The following ZNF131 variants were observed in gnomAD, a reference collection of about 807,000 sequenced individuals.
ZNF131 encodes the protein zinc finger and BTB domain containing 35.
In ZNF131, 7 loss-of-function variants were observed where a neutral mutation model predicts 60.0. The ratio of observed to expected loss-of-function variants is 0.12; its 90% CI spans 0.07 to 0.22. The LOEUF (loss-of-function observed/expected upper bound fraction) is 0.22. Among genes scored for constraint, ZNF131 ranks in the 10% least tolerant of loss-of-function variants. The pLI is 1.00. For synonymous variants in ZNF131, 257 were observed against 253.2 expected, an observed-to-expected ratio of 1.01 and a Z score of -0.14; for missense variants, 493 against 740.9, an observed-to-expected ratio of 0.67 and a Z score of 3.88.
At chr5:43,140,860 G>T (rs1746730760) in intron 4 of ZNF131, among the ~76,000 whole-genome samples, 1 of 152,086 alleles carries the variant, frequency 6.6e-6, no homozygotes, top group African/African-American at 2.4e-5. Flanking sequence ...TGGGATTACA[G>T]GTGCCTGCCA....
rs916917998 is a variant in ZNF131, at chr5:43,173,221, T to G, written c.1055-97T>G. The G allele has an allele frequency of 5.8e-6, 7 of 1,211,128 alleles. No individual in the cohort carries two copies. In the African/African-American group the frequency reaches 9.1e-5, roughly 16 times the overall value. The allele number at this position is 1,211,128 out of a possible 1,614,324, so 75.0% of individuals were successfully genotyped here. Reference sequence around the variant, plus strand: ...GTGATTTCTCCTTTTAGGAATTTAGTATTAAAATTACCCAAAAAGAAAAAG... The same window carrying G: ...GTGATTTCTCCTTTTAGGAATTTAGGATTAAAATTACCCAAAAAGAAAAAG... On this transcript the variant is annotated intron_variant, in intron 5 of 6. Coordinates refer to ENST00000682664, the MANE Select transcript of ZNF131 (RefSeq NM_001330707.2).
intron 4 of ZNF131, among the ~76,000 whole-genome samples, chr5:43,148,763 A>G (rs1410142455): frequency 1.3e-5 from 2 of 152,226 alleles, no homozygotes; most frequent in African/African-American, 4.8e-5. Context: ...AAGGTATAAT[A>G]TAAGCTGCAC....
rs528200185 is a variant in ZNF131 at position 43,151,395 on chromosome 5, T to C, written c.372-9854T>C. Among the ~76,000 whole-genome samples, 4 of 152,300 alleles carry C rather than the reference T, an allele frequency of 2.6e-5. No homozygotes were observed. In the East Asian group the frequency reaches 7.7e-4, roughly 29 times the overall value. On this transcript the variant is annotated intron_variant, in intron 4 of 6. Transcript: ENST00000682664. ...GATCTTCCTTAAACACTTGATGGTC[T>C]CTTATAACCACCTCTTAGGTGTAAG...
At chr5:43,122,516 T>G (rs1480913894) in intron 2 of ZNF131, among the ~76,000 whole-genome samples, 1 of 152,146 alleles carries the variant, frequency 6.6e-6, no homozygotes, top group Non-Finnish European at 1.5e-5. Context: ...CTTTGAGAAG[T>G]CCCTTACAGG....
At position 43,152,070 on chromosome 5, in the gene ZNF131, A is replaced by G. The variant is rs374869874; in HGVS notation, c.372-9179A>G. On this transcript the variant is annotated intron_variant, in intron 4 of 6. Coordinates refer to ENST00000682664, the MANE Select transcript of ZNF131 (RefSeq NM_001330707.2). The stretch of plus-strand genomic sequence containing the variant: ...GCCCAGGCTGGAGTGCAGTGACATG[A>G]TCTTGGCTCACTGCCTCTACCTCCC... 2.4e-4 allele frequency among the ~76,000 whole-genome samples: 37 copies of G among 151,996 alleles called. 1 individual carries two copies. In the South Asian group the frequency reaches 6.4e-3, roughly 26 times the overall value.
intron 3 of ZNF131, among the ~76,000 whole-genome samples, chr5:43,126,023 A>T (rs747775402): frequency 2.6e-5 from 4 of 152,228 alleles, no homozygotes; most frequent in Non-Finnish European, 5.9e-5. Flanking sequence ...AATTTGGTTC[A>T]GTATCTTAAG....
chr5:43,147,433 T>A (rs1322835840), intron 4 of ZNF131, among the ~76,000 whole-genome samples: 21 of 146,474 alleles, frequency 1.4e-4, no homozygotes, highest in African/African-American at 5.6e-4. Flanking sequence ...TTATTTATTT[T>A]TTGAGACGGA....
At chr5:43,143,848 A>G (rs535979683) in intron 4 of ZNF131, among the ~76,000 whole-genome samples, 1 of 139,590 alleles carries the variant, frequency 7.2e-6, no homozygotes, top group African/African-American at 2.7e-5. Flanking sequence ...ACATGTATAC[A>G]GCTCTGTGCA....
In ZNF131 at chr5:43,162,947, A is replaced by G. The variant is rs373095192; in HGVS notation, c.1054+1016A>G. Among the ~76,000 whole-genome samples, 716 of 71,672 alleles carry G rather than the reference A, an allele frequency of 1.0e-2. 7 individuals carry two copies. The highest frequency in any genetic ancestry group is 0.015 in the Non-Finnish European group (480 of 31,590). 47.0% of individuals were successfully genotyped at this position (71,672 alleles called of 152,430 possible). On this transcript the variant is annotated intron_variant, in intron 5 of 6. Coordinates refer to ENST00000682664, the MANE Select transcript of ZNF131 (RefSeq NM_001330707.2). ...AAAAAAAGCAATCCCTGACATGTTT[A>G]TACTTCTTTTCTTTTATTTGCCTTT...
intron 3 of ZNF131, among the ~76,000 whole-genome samples, chr5:43,138,108 C>T (rs1368306354): frequency 6.6e-6 from 1 of 152,290 alleles, no homozygotes; most frequent in East Asian, 1.9e-4. Context: ...TGGGCAGTTA[C>T]TAATCAGTGG....
At chr5:43,142,013 T>G (rs1746896248) in intron 4 of ZNF131, among the ~76,000 whole-genome samples, 1 of 152,042 alleles carries the variant, frequency 6.6e-6, no homozygotes. Context: ...ATTTTACTGT[T>G]TCTTTGTATG....
At chr5:43,169,518 A>G (rs754830870) in intron 5 of ZNF131, among the ~76,000 whole-genome samples, 3 of 152,248 alleles carry the variant, frequency 2.0e-5, no homozygotes, top group Non-Finnish European at 4.4e-5. Flanking sequence ...ACAAGCGAGC[A>G]TGCGGTAGTA....
chr5:43,125,596 C>A (rs577958081), intron 3 of ZNF131, among the ~76,000 whole-genome samples: 1 of 151,976 alleles, frequency 6.6e-6, no homozygotes, highest in African/African-American at 2.4e-5. Flanking sequence ...GCCTGACCAA[C>A]ATGGTGAAAC....
Position 43,161,290 on chromosome 5 carries a change from G to C in ZNF131, c.413G>C (p.Gly138Ala), listed in dbSNP as rs1448127978. 7.4e-6 allele frequency: 12 copies of C among 1,613,198 alleles called. No individual in the cohort carries two copies. Among genetic ancestry groups the C allele is most frequent in the Non-Finnish European group, 1.0e-5 (12 of 1,179,842 alleles). Reference protein sequence around the residue: ...NSAPLEENTTGKNEAKKRKIA... With the variant: ...NSAPLEENTTAKNEAKKRKIA... ...GCTCCCTTAGAGGAAAATACCACAG[G>C]AAAAAATGAGGCCAAAAAAAGGAAG... Residue 138 changes from glycine (G) to alanine (A), a missense_variant, in exon 5 of 7, where the codon GGA (glycine) becomes GCA (alanine). Around this residue, in one of 7 missense-constraint regions of ZNF131, gnomAD observed 138 missense variants for 158.7 expected, o/e 0.87. Transcript: ENST00000682664.
Position 43,174,726 on chromosome 5 carries a change from G to C in ZNF131, c.1465G>C (p.Asp489His). 6.2e-7 allele frequency: 1 copy of C among 1,614,204 alleles called. No individual in the cohort carries two copies. Residue 489 changes from aspartate to histidine, a missense_variant, in exon 7 of 7, where the codon GAT becomes CAT. Transcript: ENST00000682664. ...GCTACCATTGCTTCAGGTTCAGGTGGATTCAGCACAAGTGACTGTGGAACA... is the reference window on the plus strand; with the variant it reads ...GCTACCATTGCTTCAGGTTCAGGTGCATTCAGCACAAGTGACTGTGGAACA... The part of the protein sequence containing the change: ...HVLPLLQVQV[D>H]SAQVTVEQVH...
intron 2 of ZNF131, 52 bp downstream of exon 2, chr5:43,122,229 G>C (rs1224966968): frequency 2.1e-6 from 3 of 1,445,058 alleles, no homozygotes; most frequent in South Asian, 2.7e-5. Context: ...GTTTTTTTCT[G>C]TCCTTCGGAC....
chr5:43,146,028 C>G (rs896872037), intron 4 of ZNF131, among the ~76,000 whole-genome samples: 13 of 152,004 alleles, frequency 8.6e-5, no homozygotes, highest in East Asian at 1.9e-4. Flanking sequence ...AAAGGAGTGA[C>G]CACAAAAGCA....
chr5:43,153,817 G>T (rs929405008), intron 4 of ZNF131, among the ~76,000 whole-genome samples: 3 of 152,124 alleles, frequency 2.0e-5, no homozygotes, highest in Non-Finnish European at 4.4e-5. Context: ...CAGATTTTTG[G>T]ACAAAGAGGA....
chr5:43,153,463 TAAAAAAAA>T (rs35596507), intron 4 of ZNF131, among the ~76,000 whole-genome samples: 9,648 of 61,240 alleles, frequency 0.16, 495 homozygotes, highest in Middle Eastern at 0.24. Context: ...CCATCTCTAC[TAAAAAAAA>T]AAAAAAAAAA....
Sources: allele counts gnomAD v4.1 joint callset (sites outside exome capture counted in the v4.1 genomes callset), GRCh38; gene constraint gnomAD v4.1.1; regional missense constraint gnomAD v4.1.1; transcripts MANE v1.5; gene names NCBI Gene and HGNC (gene_info 2026-07-23, HGNC 2026-07-21).